Variants in PRDM5 observed in about 807,000 individuals in gnomAD.
PRDM5 encodes PR/SET domain 5.
Under a neutral mutation model 81.2 loss-of-function variants are expected in PRDM5, and 56 were observed. The ratio of observed to expected loss-of-function variants is 0.69; its 90% confidence interval spans 0.56 to 0.86. The LOEUF (loss-of-function observed/expected upper bound fraction) is 0.86. PRDM5 is among the 40% of genes least tolerant of loss of function. PRDM5 has a pLI of 0.00. For synonymous variants in PRDM5, 267 were observed against 256.4 expected (o/e 1.04, Z -0.39); for missense variants, 697 against 770.1 (o/e 0.91, Z 1.12).
chr4:120,877,568 G>A (rs968114927), intron 2 of PRDM5, among the ~76,000 whole-genome samples: 9 of 152,196 alleles, frequency 5.9e-5, no homozygotes, highest in Middle Eastern at 6.3e-3. Flanking sequence ...ACTTTGGGAG[G>A]CTGAGGCGGG....
chr4:120,742,790 A>C (rs1195179714), intron 14 of PRDM5, among the ~76,000 whole-genome samples: 1 of 151,984 alleles, frequency 6.6e-6, no homozygotes, highest in Non-Finnish European at 1.5e-5. Flanking sequence ...GAAAAGACCA[A>C]ATCTACGTCT....
chr4:120,736,199 TTGTGTGTGTGTGTGTGTG>T (rs57073985), intron 14 of PRDM5, among the ~76,000 whole-genome samples: 256 of 145,246 alleles, frequency 1.8e-3, no homozygotes, highest in Middle Eastern at 0.01. Context: ...TACTATCCTT[TTGTGTGTGTGTGTGTGTG>T]TGTGTGTGTG....
At chr4:120,700,557 G>A (rs1391303266) in intron 15 of PRDM5, among the ~76,000 whole-genome samples, 1 of 152,120 alleles carries the variant, frequency 6.6e-6, no homozygotes, top group Non-Finnish European at 1.5e-5. Context: ...GTATCCAACA[G>A]TTCTAATGTC....
chr4:120,821,632 C>T (rs1199166630), intron 3 of PRDM5, among the ~76,000 whole-genome samples: 5 of 151,792 alleles, frequency 3.3e-5, no homozygotes, highest in Admixed American at 3.3e-4. Flanking sequence ...GCAAGCAACA[C>T]TTTGTGGTGG....
At chr4:120,796,113 T>C (rs754973507) in intron 10 of PRDM5, among the ~76,000 whole-genome samples, 1 of 152,122 alleles carries the variant, frequency 6.6e-6, no homozygotes, top group Non-Finnish European at 1.5e-5. Context: ...AAGATAAAGA[T>C]CACACTGACT....
chr4:120,716,418 C>T (rs1026236135), intron 14 of PRDM5, among the ~76,000 whole-genome samples: 4 of 152,122 alleles, frequency 2.6e-5, no homozygotes, highest in African/African-American at 7.2e-5. Flanking sequence ...CTCTTCTCTA[C>T]CTAGAACCAT....
intron 11 of PRDM5, among the ~76,000 whole-genome samples, chr4:120,784,028 A>G (rs1749413740): frequency 2.0e-5 from 3 of 152,168 alleles, no homozygotes; most frequent in Admixed American, 2.0e-4. Flanking sequence ...AGGATTTTCT[A>G]CTGATTAAGC....
chr4:120,892,985 T>C (rs1039217693), intron 2 of PRDM5, among the ~76,000 whole-genome samples: 6 of 152,172 alleles, frequency 3.9e-5, no homozygotes, highest in Admixed American at 2.0e-4. Context: ...AGTAGAGCAA[T>C]CTTACTGCTC....
chr4:120,854,609 A>G (rs1759659963), intron 2 of PRDM5, among the ~76,000 whole-genome samples: 1 of 152,206 alleles, frequency 6.6e-6, no homozygotes, highest in Admixed American at 6.5e-5. Flanking sequence ...TAATGGCTGA[A>G]GGCATCAAGA....
intron 2 of PRDM5, among the ~76,000 whole-genome samples, chr4:120,866,432 G>T (rs1349970374): frequency 1.3e-5 from 2 of 152,160 alleles, no homozygotes; most frequent in African/African-American, 4.8e-5. Context: ...TGAAAGAAAA[G>T]AAATCTGCTT....
intron 14 of PRDM5, among the ~76,000 whole-genome samples, chr4:120,731,998 A>C (rs1327916356): frequency 6.6e-6 from 1 of 152,170 alleles, no homozygotes; most frequent in African/African-American, 2.4e-5. Context: ...CAGAAGTTGT[A>C]ATGGTTCCTA....
chr4:120,855,823 T>C (rs1424589504), intron 2 of PRDM5, among the ~76,000 whole-genome samples: 3 of 152,216 alleles, frequency 2.0e-5, no homozygotes, highest in Admixed American at 2.0e-4. Flanking sequence ...TAACTTTGTG[T>C]AGTGAAACAC....
At chr4:120,779,717 C>A (rs1748728223) in intron 12 of PRDM5, among the ~76,000 whole-genome samples, 2 of 152,112 alleles carry the variant, frequency 1.3e-5, no homozygotes, top group African/African-American at 2.4e-5. Flanking sequence ...GCCTGGCCAG[C>A]ATGGTGAAAC....
intron 7 of PRDM5, among the ~76,000 whole-genome samples, chr4:120,814,189 C>T (rs532941957): frequency 3.3e-5 from 5 of 152,098 alleles, no homozygotes; most frequent in Non-Finnish European, 5.9e-5. Context: ...TGGGAAGTGA[C>T]GGAGGAGCTT....
intron 13 of PRDM5, among the ~76,000 whole-genome samples, chr4:120,767,897 C>G (rs1746619475): frequency 6.6e-6 from 1 of 152,132 alleles, no homozygotes; most frequent in Admixed American, 6.5e-5. Flanking sequence ...AAGGGGAGTT[C>G]CCCTGCACAT....
intron 4 of PRDM5, 84 bp from the exon 5 acceptor site, chr4:120,818,611 T>C: frequency 8.5e-7 from 1 of 1,180,962 alleles, no homozygotes; most frequent in South Asian, 1.3e-5. Flanking sequence ...TTAAATTAAT[T>C]AATTAATTGT....
intron 15 of PRDM5, among the ~76,000 whole-genome samples, chr4:120,698,951 T>C (rs1231014897): frequency 6.6e-6 from 1 of 151,978 alleles, no homozygotes; most frequent in Non-Finnish European, 1.5e-5. Flanking sequence ...GTAGTATCTG[T>C]ATTTTTAAAT....
chr4:120,880,720 C>A (rs965770177), intron 2 of PRDM5, among the ~76,000 whole-genome samples: 13 of 152,152 alleles, frequency 8.5e-5, no homozygotes, highest in African/African-American at 3.1e-4. Flanking sequence ...TCCAAAGATA[C>A]TTAAAATATT....
At chr4:120,899,725 T>C (rs915950445) in intron 2 of PRDM5, among the ~76,000 whole-genome samples, 4 of 152,164 alleles carry the variant, frequency 2.6e-5, no homozygotes, top group Admixed American at 2.6e-4. Context: ...ATTCAATCCT[T>C]ATATTATCTA....
Sources: allele counts gnomAD v4.1 joint callset (sites outside exome capture counted in the v4.1 genomes callset), GRCh38; gene constraint gnomAD v4.1.1; transcripts MANE v1.5; gene names NCBI Gene and HGNC (gene_info 2026-07-23, HGNC 2026-07-21).